The following SERINC5 variants were observed in gnomAD, a reference collection of about 807,000 sequenced individuals.
SERINC5 encodes serine incorporator 5, also known as chromosome 5 open reading frame 12.
SERINC5 carries 41 observed loss-of-function variants against 63.1 expected under a neutral mutation model. The observed-to-expected ratio is 0.65, with a 90% CI of 0.51 to 0.84. SERINC5 has a LOEUF of 0.84. SERINC5 is among the 40% of genes least tolerant of loss of function. The probability of loss-of-function intolerance (pLI) is 0.00; values close to 1 mark genes in which losing one functional copy is unlikely to be tolerated. For synonymous variants in SERINC5, 222 were observed against 215.2 expected (o/e 1.03, Z -0.28); for missense variants, 523 against 573.0 (o/e 0.91, Z 0.89).
At chr5:80,227,062 AT>A (rs1751202876) in intron 1 of SERINC5, among the ~76,000 whole-genome samples, 1 of 151,918 alleles carries the variant, frequency 6.6e-6, no homozygotes, top group Admixed American at 6.6e-5. Context: ...CGCCCGGCTA[AT>A]TTTTGTATTT....
chr5:80,123,239 G>C (rs554701916), intron 11 of SERINC5, among the ~76,000 whole-genome samples: 1 of 152,224 alleles, frequency 6.6e-6, no homozygotes, highest in Non-Finnish European at 1.5e-5. Context: ...AGGACTACAG[G>C]CACATGCCAC....
intron 7 of SERINC5, among the ~76,000 whole-genome samples, chr5:80,163,588 G>A (rs1425831632): frequency 2.8e-5 from 4 of 144,184 alleles, no homozygotes; most frequent in African/African-American, 8.3e-5. Flanking sequence ...TTTAACAAAT[G>A]CTTTTTCTGC....
At position 80,141,709 on chromosome 5, in the gene SERINC5, CCTAA is replaced by C. The variant is rs1315268338; in HGVS notation, c.*1950_*1953del. The C allele has an allele frequency of 3.0e-6, 3 of 985,480 alleles. No homozygotes were observed. Among genetic ancestry groups the C allele is most frequent in the African/African-American group, 1.7e-5 (1 of 57,244 alleles). The allele number at this position is 985,480 out of a possible 1,614,324, so 61.0% of individuals were successfully genotyped here. A position where few individuals can be genotyped will look rare whatever the true frequency, so the allele number is the denominator to read the frequency against. ...TTCCTGGCCCACGGAACTCCTGTCCCCTAACTGATTCCTCAGGTTAGAACACGGC... is the reference window on the plus strand; with the variant it reads ...TTCCTGGCCCACGGAACTCCTGTCCCCTGATTCCTCAGGTTAGAACACGGC... On this transcript the variant is annotated 3_prime_UTR_variant, in exon 12 of 12. Transcript: ENST00000507668.
chr5:80,160,764 C>T (rs1025964639), intron 7 of SERINC5, among the ~76,000 whole-genome samples: 3 of 152,002 alleles, frequency 2.0e-5, no homozygotes, highest in Non-Finnish European at 4.4e-5. Flanking sequence ...CATTATTTAG[C>T]TCCCACTTAA....
At chr5:80,220,941 G>T (rs111652522) in intron 1 of SERINC5, among the ~76,000 whole-genome samples, 1,797 of 152,180 alleles carry the variant, frequency 0.012, 45 homozygotes, top group African/African-American at 0.04. Flanking sequence ...CTTGAGCAGC[G>T]TGGATGAGGG....
At chr5:80,112,124 C>T (rs571911491) in intron 12 of SERINC5, among the ~76,000 whole-genome samples, 3 of 152,212 alleles carry the variant, frequency 2.0e-5, no homozygotes, top group African/African-American at 4.8e-5. Flanking sequence ...TCCCCCAGCC[C>T]GACACCCGTG....
chr5:80,164,239 T>G (rs1478214477), intron 7 of SERINC5, among the ~76,000 whole-genome samples: 1 of 152,152 alleles, frequency 6.6e-6, no homozygotes, highest in African/African-American at 2.4e-5. Context: ...TCTTCTCTCT[T>G]CTTGGTTAGT....
At chr5:80,174,339 C>T (rs1213604951) in intron 5 of SERINC5, among the ~76,000 whole-genome samples, 1 of 145,534 alleles carries the variant, frequency 6.9e-6, no homozygotes, top group Non-Finnish European at 1.5e-5. Flanking sequence ...TGCACTCCGG[C>T]CTGAATGACA....
chr5:80,147,109 A>C, intron 10 of SERINC5, 136 bp downstream of exon 10: 1 of 755,764 alleles, frequency 1.3e-6, no homozygotes, highest in South Asian at 1.8e-5. Flanking sequence ...AAAGTGTATA[A>C]GTAGTAAGTC....
In SERINC5 at chr5:80,142,511, G is replaced by A. The variant is rs138478654; in HGVS notation, c.*1152C>T. The A allele has an allele frequency of 9.6e-4, 950 of 985,242 alleles. 9 individuals carry two copies. The African/African-American group carries it at 0.014, about 15-fold the overall frequency. The allele number at this position is 985,242 out of a possible 1,614,324, so 61.0% of individuals were successfully genotyped here. A position where few individuals can be genotyped will look rare whatever the true frequency, so the allele number is the denominator to read the frequency against. On this transcript the variant is annotated 3_prime_UTR_variant, in exon 12 of 12. Coordinates refer to ENST00000507668, the MANE Select transcript of SERINC5 (RefSeq NM_001174072.3). ...TGCGCACCTCTTTTTAAGTATATTCGGCCACTTCCACACATTGCCTAACAA... is the reference window on the plus strand; with the variant it reads ...TGCGCACCTCTTTTTAAGTATATTCAGCCACTTCCACACATTGCCTAACAA...
intron 2 of SERINC5, among the ~76,000 whole-genome samples, chr5:80,199,506 C>T (rs1749700258): frequency 6.6e-6 from 1 of 152,164 alleles, no homozygotes; most frequent in African/African-American, 2.4e-5. Context: ...ACCAGTGGAA[C>T]ATCTTCTGTT....
chr5:80,236,042 G>A (rs566086099), intron 1 of SERINC5, among the ~76,000 whole-genome samples: 201 of 146,330 alleles, frequency 1.4e-3, no homozygotes, highest in African/African-American at 4.9e-3. Context: ...ATTTTATCAC[G>A]GTTAAATACT....
chr5:80,160,114 T>C (rs949879685), intron 7 of SERINC5, among the ~76,000 whole-genome samples: 6 of 152,116 alleles, frequency 3.9e-5, no homozygotes, highest in South Asian at 4.1e-4. Flanking sequence ...TTTTGTGGAA[T>C]TGAGCCTTCG....
At chr5:80,211,582 T>C (rs948396554) in intron 1 of SERINC5, among the ~76,000 whole-genome samples, 1 of 152,226 alleles carries the variant, frequency 6.6e-6, no homozygotes, top group Non-Finnish European at 1.5e-5. Context: ...CACCTGTCTA[T>C]AAACTGCGGG....
intron 1 of SERINC5, among the ~76,000 whole-genome samples, chr5:80,243,396 A>G (rs1015885691): frequency 1.3e-5 from 2 of 152,154 alleles, no homozygotes; most frequent in Admixed American, 6.6e-5. Flanking sequence ...CTTTAACAAC[A>G]TTAGGGAGAC....
rs73774233 is a variant in SERINC5, at chr5:80,252,697, T to C, written c.27+3199A>G. Among the ~76,000 whole-genome samples the C allele has an allele frequency of 7.3e-3, 1,111 of 152,304 alleles. 14 individuals are homozygous for C. The highest frequency in any genetic ancestry group is 0.026 in the African/African-American group (1,061 of 41,572). ...CTGCCAAATCCTATATTACAGACTT[T>C]ACACTTATCATCACATGTAATTTTC... On this transcript the variant is annotated intron_variant, in intron 1 of 11. Coordinates refer to ENST00000507668, the MANE Select transcript of SERINC5 (RefSeq NM_001174072.3).
In SERINC5 at chr5:80,159,884, C is replaced by T. The variant is rs189521541; in HGVS notation, c.860-922G>A. 2.4e-3 allele frequency among the ~76,000 whole-genome samples: 365 copies of T among 152,272 alleles called. 2 individuals are homozygous for T. The highest frequency in any genetic ancestry group is 3.4e-3 in the Middle Eastern group (1 of 294). ...CCAACTGCATGGAGACAGCTCAGGA[C>T]CCTTTGAGACCTTGCCTTATATATA... is the stretch of plus-strand genomic sequence containing the variant. On this transcript the variant is annotated intron_variant, in intron 7 of 11. Coordinates refer to ENST00000507668, the MANE Select transcript of SERINC5 (RefSeq NM_001174072.3).
At chr5:80,232,807 A>C (rs1751510351) in intron 1 of SERINC5, among the ~76,000 whole-genome samples, 2 of 152,130 alleles carry the variant, frequency 1.3e-5, no homozygotes, top group African/African-American at 4.8e-5. Context: ...AAAAGGAATG[A>C]AGTACTGACA....
chr5:80,171,895 C>A (rs73128055), intron 5 of SERINC5, among the ~76,000 whole-genome samples: 12,976 of 149,762 alleles, frequency 0.087, 1,827 homozygotes, highest in African/African-American at 0.3. Context: ...AAAAAAAAGA[C>A]AAAAAAAGAA....
Sources: allele counts gnomAD v4.1 joint callset (sites outside exome capture counted in the v4.1 genomes callset), GRCh38; gene constraint gnomAD v4.1.1; transcripts MANE v1.5; gene names NCBI Gene and HGNC (gene_info 2026-07-23, HGNC 2026-07-21).